FHIT: variants seen among roughly 807,000 people sequenced by gnomAD.
FHIT encodes fragile histidine triad diadenosine triphosphatase.
In FHIT, 19 loss-of-function variants were observed where a neutral mutation model predicts 17.9. The ratio of observed to expected loss-of-function variants is 1.06; its 90% CI spans 0.74 to 1.56. The LOEUF (loss-of-function observed/expected upper bound fraction) is 1.56, where lower values mean the gene tolerates loss of function less well. Among genes scored for constraint, FHIT ranks in the 40% most tolerant of loss-of-function variants. The pLI, the probability that FHIT is intolerant of heterozygous loss-of-function variation, is 0.00. For missense variants in FHIT, 248 were observed against 189.2 expected (o/e 1.31, Z -1.82); for synonymous variants, 81 against 69.7 (o/e 1.16, Z -0.81).
intron 4 of FHIT, among the ~76,000 whole-genome samples, chr3:60,655,589 G>C (rs1553689361): frequency 1.3e-5 from 2 of 152,142 alleles, no homozygotes; most frequent in African/African-American, 4.8e-5. Flanking sequence ...TCGGGGGTTT[G>C]GAGGGTAAGC....
intron 1 of FHIT, among the ~76,000 whole-genome samples, chr3:61,220,661 T>G (rs1366951185): frequency 2.0e-5 from 3 of 152,220 alleles, no homozygotes; most frequent in Non-Finnish European, 2.9e-5. Flanking sequence ...TGTTCTATAT[T>G]AAATCTACAT....
chr3:60,283,988 A>G (rs1253112405), intron 5 of FHIT, among the ~76,000 whole-genome samples: 5 of 152,070 alleles, frequency 3.3e-5, no homozygotes, highest in African/African-American at 1.2e-4. Context: ...CATATATTAT[A>G]AATAGCCATT....
intron 5 of FHIT, among the ~76,000 whole-genome samples, chr3:60,515,852 G>C (rs1176325302): frequency 1.3e-5 from 2 of 152,198 alleles, no homozygotes; most frequent in African/African-American, 4.8e-5. Flanking sequence ...GTAATTCCCA[G>C]GGCTTGCTCT....
chr3:60,883,775 G>A (rs1328768930), intron 3 of FHIT, among the ~76,000 whole-genome samples: 2 of 152,086 alleles, frequency 1.3e-5, no homozygotes, highest in Non-Finnish European at 2.9e-5. Context: ...AAAACATTGG[G>A]GAAAATGCTT....
chr3:60,477,342 C>A (rs893106871), intron 5 of FHIT, among the ~76,000 whole-genome samples: 4 of 152,108 alleles, frequency 2.6e-5, no homozygotes, highest in South Asian at 4.1e-4. Flanking sequence ...ATATTTCATT[C>A]TTTTCCTTTG....
chr3:60,421,461 A>G (rs1015339532), intron 5 of FHIT, among the ~76,000 whole-genome samples: 4 of 152,176 alleles, frequency 2.6e-5, no homozygotes, highest in African/African-American at 9.6e-5. Flanking sequence ...GAGACCCAGA[A>G]ATTTTAATTA....
At chr3:60,478,042 G>A (rs1004804434) in intron 5 of FHIT, among the ~76,000 whole-genome samples, 10 of 152,080 alleles carry the variant, frequency 6.6e-5, no homozygotes, top group African/African-American at 2.4e-4. Context: ...TGCAACAAAA[G>A]TACTAACAAA....
intron 4 of FHIT, among the ~76,000 whole-genome samples, chr3:60,639,421 G>A (rs7629382): frequency 0.52 from 79,108 of 151,874 alleles, 21,521 homozygotes; most frequent in Non-Finnish European, 0.6. Flanking sequence ...GACCAAAAAC[G>A]AAGGAGCCAT....
intron 5 of FHIT, among the ~76,000 whole-genome samples, chr3:60,346,648 T>C (rs1336373120): frequency 6.6e-6 from 1 of 152,212 alleles, no homozygotes; most frequent in Non-Finnish European, 1.5e-5. Flanking sequence ...ACTGTCTCCA[T>C]GCCTAACTTT....
intron 3 of FHIT, among the ~76,000 whole-genome samples, chr3:60,964,253 C>T (rs1385572665): frequency 6.6e-6 from 1 of 151,104 alleles, no homozygotes; most frequent in Non-Finnish European, 1.5e-5. Flanking sequence ...AGGATTGCAA[C>T]CCCTGCTTGT....
intron 8 of FHIT, among the ~76,000 whole-genome samples, chr3:59,873,300 G>T (rs1353754838): frequency 6.6e-6 from 1 of 152,158 alleles, no homozygotes; most frequent in African/African-American, 2.4e-5. Context: ...TTTTCTGGAT[G>T]GATGGATGGG....
At chr3:59,812,680 G>A (rs1700450491) in intron 8 of FHIT, among the ~76,000 whole-genome samples, 1 of 152,168 alleles carries the variant, frequency 6.6e-6, no homozygotes, top group Non-Finnish European at 1.5e-5. Context: ...ACACTCGACA[G>A]GACTACATTC....
At chr3:60,689,603 C>A (rs2040941197) in intron 4 of FHIT, among the ~76,000 whole-genome samples, 1 of 152,112 alleles carries the variant, frequency 6.6e-6, no homozygotes, top group African/African-American at 2.4e-5. Flanking sequence ...TTTTCTCTCT[C>A]CATTGGTTTG....
intron 5 of FHIT, among the ~76,000 whole-genome samples, chr3:60,455,983 CATA>C (rs1226226866): frequency 2.6e-5 from 4 of 152,272 alleles, no homozygotes; most frequent in African/African-American, 9.6e-5. Flanking sequence ...TGGTTGGACT[CATA>C]ATGATTCGAT....
At chr3:61,206,644 C>T (rs1339443146) in intron 1 of FHIT, among the ~76,000 whole-genome samples, 2 of 152,086 alleles carry the variant, frequency 1.3e-5, no homozygotes, top group African/African-American at 4.8e-5. Context: ...TAAAGGAATG[C>T]TTGTGATTTT....
At chr3:60,937,017 T>A (rs567870996) in intron 3 of FHIT, among the ~76,000 whole-genome samples, 144 of 140,146 alleles carry the variant, frequency 1.0e-3, no homozygotes, top group Non-Finnish European at 2.1e-3. Context: ...GAAGTCTCAA[T>A]TTTCAGACCT....
chr3:59,758,062 T>G (rs139527701), intron 8 of FHIT, among the ~76,000 whole-genome samples: 62 of 152,332 alleles, frequency 4.1e-4, no homozygotes, highest in African/African-American at 1.4e-3. Context: ...AGAAGTTCCA[T>G]CAAAGTGTTC....
chr3:60,378,306 T>A lies in FHIT; in HGVS notation c.103+158554A>T, dbSNP rs149947984. On this transcript the variant is annotated intron_variant, in intron 5 of 9. Coordinates refer to ENST00000492590, the MANE Select transcript of FHIT (RefSeq NM_002012.4). ...CCGAGACTATTCTTAAAAACGCCCATAGTTTCCACACAAACAGGCTGATTA... is the reference window on the plus strand; with the variant it reads ...CCGAGACTATTCTTAAAAACGCCCAAAGTTTCCACACAAACAGGCTGATTA... Among the ~76,000 whole-genome samples, 4 of 152,252 alleles carry A rather than the reference T, an allele frequency of 2.6e-5. No homozygotes were observed. The East Asian group carries it at 7.7e-4, about 29-fold the overall frequency.
intron 4 of FHIT, among the ~76,000 whole-genome samples, chr3:60,722,582 A>G (rs1446805746): frequency 2.0e-5 from 3 of 152,068 alleles, no homozygotes; most frequent in Non-Finnish European, 4.4e-5. Context: ...AAACATCCCT[A>G]GTCTCCACCT....
Sources: allele counts gnomAD v4.1 joint callset (sites outside exome capture counted in the v4.1 genomes callset), GRCh38; gene constraint gnomAD v4.1.1; transcripts MANE v1.5; gene names NCBI Gene and HGNC (gene_info 2026-07-23, HGNC 2026-07-21).